The following DMXL1 variants were observed in gnomAD, a reference collection of about 807,000 sequenced individuals.
The protein encoded by DMXL1 is dmX-like protein 1.
In DMXL1, 99 loss-of-function variants were observed where a neutral mutation model predicts 319.2. The observed-to-expected ratio is 0.31, with a 90% confidence interval of 0.26 to 0.37. The LOEUF (loss-of-function observed/expected upper bound fraction) is 0.37. Ranked by LOEUF, DMXL1 falls within the 10% of genes least tolerant of loss-of-function variation. The pLI is 1.00. For synonymous variants in DMXL1, 1,385 were observed against 1,235.2 expected (o/e 1.12, Z -2.54); for missense variants, 3,745 against 3,595.6 (o/e 1.04, Z -1.06).
At chr5:119,136,705 T>G (rs1349489828) in intron 13 of DMXL1, among the ~76,000 whole-genome samples, 1 of 152,236 alleles carries the variant, frequency 6.6e-6, no homozygotes, top group Non-Finnish European at 1.5e-5. Flanking sequence ...CTGCGGCTGT[T>G]GCTTCAGAGA....
At chr5:119,214,483 A>G (rs1783336172) in intron 34 of DMXL1, among the ~76,000 whole-genome samples, 1 of 152,180 alleles carries the variant, frequency 6.6e-6, no homozygotes, top group Non-Finnish European at 1.5e-5. Flanking sequence ...GCCTTAGAAC[A>G]GGATTTGAAC....
intron 9 of DMXL1, among the ~76,000 whole-genome samples, chr5:119,121,729 C>G (rs986545286): frequency 1.8e-4 from 27 of 152,386 alleles, no homozygotes; most frequent in Admixed American, 3.3e-4. Flanking sequence ...CTTTTCCCCA[C>G]CTTTCCACCC....
chr5:119,202,659 C>T (rs1262306285), intron 32 of DMXL1, among the ~76,000 whole-genome samples: 1 of 151,740 alleles, frequency 6.6e-6, no homozygotes. Flanking sequence ...CAAGACCAGC[C>T]TGCCAACATG....
In DMXL1 at chr5:119,148,959, T is replaced by C. The variant is rs1404571692; in HGVS notation, c.3132T>C (p.Gly1044=). 1 of 1,613,970 alleles carries C rather than the reference T, an allele frequency of 6.2e-7. No individual in the cohort carries two copies. Among genetic ancestry groups the C allele is most frequent in the Non-Finnish European group, 8.5e-7 (1 of 1,179,852 alleles). The part of the protein sequence containing the change: ...LQSNSSITVP[G]RPVEVSCAHT... The stretch of plus-strand genomic sequence containing the variant: ...GCAATAGTAGTATAACTGTACCTGG[T>C]AGGCCTGTAGAAGTTAGCTGTGCAC... Residue 1044 remains glycine (G), a synonymous_variant, in exon 18 of 44, where the codon GGT becomes GGC. Transcript: ENST00000539542.
chr5:119,159,125 A>G (rs1467242749), intron 19 of DMXL1, among the ~76,000 whole-genome samples: 38 of 151,064 alleles, frequency 2.5e-4, no homozygotes, highest in Admixed American at 2.3e-3. Flanking sequence ...TGATGGGTTG[A>G]TGGGAGACTT....
chr5:119,150,226 A>G lies in DMXL1; in HGVS notation c.4399A>G (p.Lys1467Glu). The G allele has an allele frequency of 6.2e-7, 1 of 1,613,744 alleles. No homozygotes were observed. Among genetic ancestry groups the G allele is most frequent in the Non-Finnish European group, 8.5e-7 (1 of 1,179,812 alleles). The stretch of plus-strand genomic sequence containing the variant: ...GTTAGAGACAGATGAAGAAAATACA[A>G]AGCCTAGAGTTATTGACCTTTCACA... ...HMLETDEENT[K>E]PRVIDLSQYS... Residue 1467 changes from lysine (K) to glutamate (E), a missense_variant, in exon 18 of 44, where the codon AAG (lysine) becomes GAG (glutamate). Lys to Glu is a moderately conservative substitution (Grantham distance 56). Transcript: ENST00000539542.
chr5:119,154,146 C>T (rs1487643835), intron 19 of DMXL1, among the ~76,000 whole-genome samples: 1 of 152,182 alleles, frequency 6.6e-6, no homozygotes, highest in African/African-American at 2.4e-5. Context: ...TTCACTGAGA[C>T]ATAACAATAT....
rs1457410759 is a variant in DMXL1, at chr5:119,170,865, C to T, written c.6074C>T (p.Ala2025Val). The T allele has an allele frequency of 1.9e-6, 3 of 1,611,896 alleles. No individual in the cohort carries two copies. Among genetic ancestry groups the T allele is most frequent in the South Asian group, 1.1e-5 (1 of 90,886 alleles). Reference sequence around the variant, plus strand: ...TTAAATCCATCAGAAGATATAATTGCAGTTCAGTTAAAATTTAGAGCATGT... The same window carrying T: ...TTAAATCCATCAGAAGATATAATTGTAGTTCAGTTAAAATTTAGAGCATGT... ...DLLNPSEDII[A>V]VQLKFRACLK... is the part of the protein sequence containing the mutation. Residue 2025 changes from alanine (A) to valine (V), a missense_variant, in exon 24 of 44, where the codon GCA (alanine) becomes GTA (valine). Physicochemically the swap from Ala to Val is moderately conservative, Grantham distance 64. Coordinates refer to ENST00000539542, the MANE Select transcript of DMXL1 (RefSeq NM_001290321.3).
chr5:119,178,715 T>G, intron 28 of DMXL1: 1 of 931,548 alleles, frequency 1.1e-6, no homozygotes, highest in Non-Finnish European at 1.3e-6. Flanking sequence ...AGAAATAGGC[T>G]TTTATCATTC....
At chr5:119,131,518 A>G (rs1764893088) in intron 10 of DMXL1, among the ~76,000 whole-genome samples, 1 of 152,186 alleles carries the variant, frequency 6.6e-6, no homozygotes, top group South Asian at 2.1e-4. Context: ...TACTTTAGAG[A>G]TAAAGTACAA....
intron 10 of DMXL1, among the ~76,000 whole-genome samples, chr5:119,130,118 T>A (rs1281935372): frequency 6.6e-6 from 1 of 152,108 alleles, no homozygotes; most frequent in African/African-American, 2.4e-5. Flanking sequence ...TTGTTTTAAT[T>A]TGTTTAATTT....
intron 32 of DMXL1, 24 bp downstream of exon 32, chr5:119,197,980 T>G: frequency 6.2e-7 from 1 of 1,610,016 alleles, no homozygotes; most frequent in Non-Finnish European, 8.5e-7. Flanking sequence ...TGAATGCTAT[T>G]TGGGTTTTTT....
At position 119,106,471 on chromosome 5, in the gene DMXL1, A is replaced by T. The variant is rs1758372627; in HGVS notation, c.364+1213A>T. ...GGAAGGCACAGAGAGAGAAAGCATA[A>T]GATACATTATAATAAGGATTAGTAT... On this transcript the variant is annotated intron_variant, in intron 4 of 43. Coordinates refer to ENST00000539542, the MANE Select transcript of DMXL1 (RefSeq NM_001290321.3). Among the ~76,000 whole-genome samples, 3 of 152,188 alleles carry T rather than the reference A, an allele frequency of 2.0e-5. No individual in the cohort carries two copies. In the South Asian group the frequency reaches 6.2e-4, roughly 32 times the overall value.
intron 19 of DMXL1, among the ~76,000 whole-genome samples, chr5:119,155,115 A>G (rs1770707899): frequency 6.6e-6 from 1 of 152,252 alleles, no homozygotes. Context: ...TTCACGCAAG[A>G]GCTCTGATGC....
At chr5:119,222,958 A>G (rs1307196101) in intron 37 of DMXL1, among the ~76,000 whole-genome samples, 1 of 151,196 alleles carries the variant, frequency 6.6e-6, no homozygotes, top group Non-Finnish European at 1.5e-5. Context: ...TAATTAAGGC[A>G]TTTGCCCCTA....
In DMXL1 at chr5:119,247,455, G is replaced by A. The variant is rs1461025087; in HGVS notation, c.*236G>A. The stretch of plus-strand genomic sequence containing the variant: ...TAATGCTGTAATAATACATATCATA[G>A]TATATTATAATCAGTATGTCATAGT... On this transcript the variant is annotated 3_prime_UTR_variant, in exon 44 of 44. Transcript: ENST00000539542. 1 of 357,174 alleles carries A rather than the reference G, an allele frequency of 2.8e-6. No individual in the cohort carries two copies. Among genetic ancestry groups the A allele is most frequent in the Non-Finnish European group, 5.2e-6 (1 of 192,516 alleles). 22.1% of individuals were successfully genotyped at this position (357,174 alleles called of 1,614,324 possible).
intron 13 of DMXL1, 134 bp downstream of exon 13, chr5:119,134,523 A>G (rs1461483363): frequency 1.3e-6 from 1 of 792,396 alleles, no homozygotes; most frequent in Non-Finnish European, 1.9e-6. Context: ...ATTTTTTCAC[A>G]TTTGTACTCT....
chr5:119,090,473 G>A lies in DMXL1; in HGVS notation c.88-7506G>A, dbSNP rs1235480627. Among the ~76,000 whole-genome samples the A allele has an allele frequency of 2.0e-5, 3 of 150,664 alleles. No homozygotes were observed. In the East Asian group the frequency reaches 5.8e-4, roughly 29 times the overall value. On this transcript the variant is annotated intron_variant, in intron 1 of 43. Transcript: ENST00000539542. ...TCTCTTGTTCAAATCCCTCTTGAATGCCAATTCTTAGATTTCATTTTTGAG... is the reference window on the plus strand; with the variant it reads ...TCTCTTGTTCAAATCCCTCTTGAATACCAATTCTTAGATTTCATTTTTGAG...
chr5:119,082,456 T>G (rs545732115), intron 1 of DMXL1, among the ~76,000 whole-genome samples: 1 of 152,124 alleles, frequency 6.6e-6, no homozygotes, highest in Non-Finnish European at 1.5e-5. Flanking sequence ...TAAAATTTTT[T>G]GTAGAGTGGG....
Sources: gnomAD v4.1 joint callset for allele counts (sites outside exome capture counted in the v4.1 genomes callset) on GRCh38, gnomAD v4.1.1 for gene constraint, MANE v1.5 for transcripts, NCBI Gene and HGNC (gene_info 2026-07-23, HGNC 2026-07-21) for gene names.